Variants in LAMA2 observed in about 807,000 individuals in gnomAD.
LAMA2 encodes the protein laminin subunit alpha 2, also known as laminin subunit alpha-2.
A neutral mutation model predicts 364.8 loss-of-function variants in LAMA2; 269 were observed. The observed-to-expected ratio is 0.74, with a 90% CI of 0.67 to 0.82. LAMA2 has a LOEUF of 0.82. Ranked by LOEUF, LAMA2 falls within the 40% of genes least tolerant of loss-of-function variation. LAMA2 has a pLI of 0.00. For missense variants in LAMA2, 3,807 were observed against 3,873.2 expected, an observed-to-expected ratio of 0.98 and a Z score of 0.45; for synonymous variants, 1,379 against 1,370.6, an observed-to-expected ratio of 1.01 and a Z score of -0.14.
intron 1 of LAMA2, among the ~76,000 whole-genome samples, chr6:129,015,948 G>T (rs1785044594): frequency 6.6e-6 from 1 of 151,708 alleles, no homozygotes; most frequent in Non-Finnish European, 1.5e-5. Context: ...ACTTCAATCA[G>T]CAGGAGGTTC....
At chr6:129,181,918 T>G (rs892949833) in intron 10 of LAMA2, among the ~76,000 whole-genome samples, 7 of 151,616 alleles carry the variant, frequency 4.6e-5, no homozygotes, top group African/African-American at 1.7e-4. Flanking sequence ...ATATTAAAAC[T>G]GGGGGCAAAT....
intron 3 of LAMA2, among the ~76,000 whole-genome samples, chr6:129,093,644 C>T (rs1421198613): frequency 6.6e-6 from 1 of 152,162 alleles, no homozygotes; most frequent in South Asian, 2.1e-4. Context: ...GTTCTTAATA[C>T]TCTTCTTATT....
intron 1 of LAMA2, among the ~76,000 whole-genome samples, chr6:129,013,625 C>G (rs1784903146): frequency 6.6e-6 from 1 of 151,960 alleles, no homozygotes; most frequent in South Asian, 2.1e-4. Context: ...TGGACAGGGA[C>G]CAGAACATGT....
At chr6:129,397,556 T>C (rs983115750) in intron 37 of LAMA2, among the ~76,000 whole-genome samples, 7 of 152,134 alleles carry the variant, frequency 4.6e-5, no homozygotes, top group African/African-American at 1.7e-4. Flanking sequence ...TCTATACTTT[T>C]GTCAATATTT....
At chr6:129,342,608 A>T (rs1163186150) in intron 30 of LAMA2, 141 bp downstream of exon 30, 5 of 767,758 alleles carry the variant, frequency 6.5e-6, no homozygotes, top group Non-Finnish European at 1.0e-5. Context: ...ATATAGAAAC[A>T]TGACAAAAGT....
At chr6:129,144,299 A>T (rs1778305638) in intron 5 of LAMA2, among the ~76,000 whole-genome samples, 1 of 152,006 alleles carries the variant, frequency 6.6e-6, no homozygotes, top group African/African-American at 2.4e-5. Flanking sequence ...TGTAACATTT[A>T]TCAAACATTT....
chr6:129,282,438 C>T (rs1350120845), intron 18 of LAMA2, among the ~76,000 whole-genome samples: 2 of 152,120 alleles, frequency 1.3e-5, no homozygotes, highest in African/African-American at 4.8e-5. Context: ...GAAACATAAT[C>T]TGAGCCCATT....
At position 128,893,474 on chromosome 6, in the gene LAMA2, TTTTCAAGGACC is replaced by T. The variant is rs532764369; in HGVS notation, c.112+10118_112+10128del. On this transcript the variant is annotated intron_variant, in intron 1 of 64. Coordinates refer to ENST00000421865, the MANE Select transcript of LAMA2 (RefSeq NM_000426.4). ...TGTATTAATATACTTAGTTCTCCTG[TTTTCAAGGACC>T]CATGACACATAGCTTTCAAACATGG... Among the ~76,000 whole-genome samples the T allele has an allele frequency of 4.1e-3, 618 of 151,980 alleles. 6 individuals carry two copies. The highest frequency in any genetic ancestry group is 0.014 in the African/African-American group (575 of 41,516).
chr6:129,293,185 GC>G (rs1404905927), intron 20 of LAMA2: 1 of 590,598 alleles, frequency 1.7e-6, no homozygotes, highest in African/African-American at 2.0e-5. Context: ...AATTGCAAAT[GC>G]AAAGATTAGA....
intron 3 of LAMA2, among the ~76,000 whole-genome samples, chr6:129,082,402 AT>A (rs1398226373): frequency 1.3e-5 from 2 of 152,074 alleles, no homozygotes; most frequent in Non-Finnish European, 2.9e-5. Flanking sequence ...CTCAAATGAA[AT>A]TTTTTGGTGA....
intron 15 of LAMA2, among the ~76,000 whole-genome samples, chr6:129,264,504 T>G (rs550254612): frequency 6.6e-6 from 1 of 152,210 alleles, no homozygotes; most frequent in Admixed American, 6.6e-5. Flanking sequence ...AGCATGTCTG[T>G]CTGGTCTAGA....
intron 5 of LAMA2, among the ~76,000 whole-genome samples, chr6:129,145,871 A>G (rs1234439027): frequency 1.3e-5 from 2 of 151,976 alleles, no homozygotes; most frequent in Admixed American, 6.6e-5. Context: ...TACAAATACT[A>G]CTGTATCAGC....
chr6:129,090,896 T>A (rs1177683260), intron 3 of LAMA2, among the ~76,000 whole-genome samples: 2 of 152,206 alleles, frequency 1.3e-5, no homozygotes, highest in Non-Finnish European at 2.9e-5. Context: ...CACAGTAAAC[T>A]ATACACAGTG....
At chr6:129,379,954 A>T (rs9388701) in intron 34 of LAMA2, among the ~76,000 whole-genome samples, 126,296 of 152,186 alleles carry the variant, frequency 0.83, 52,527 homozygotes, top group Admixed American at 0.88. Context: ...CCCAACATCT[A>T]TGACCCACGA....
rs746608333 is a variant in LAMA2 at position 129,403,939 on chromosome 6, G to C, written c.5845G>C (p.Ala1949Pro). 4 of 1,613,888 alleles carry C rather than the reference G, an allele frequency of 2.5e-6. No individual in the cohort carries two copies. Among genetic ancestry groups the C allele is most frequent in the Non-Finnish European group, 3.4e-6 (4 of 1,179,846 alleles). ...AGTTGCCAAAGAAGCCAAAGATCTT[G>C]CACATGAAGCTACAAAACTGGTAAG... ...EKVAKEAKDL[A>P]HEATKLATGP... is the part of the protein sequence containing the mutation. Residue 1949 changes from alanine (A) to proline (P), a missense_variant, in exon 40 of 65, where the codon GCA (alanine) becomes CCA (proline). By Grantham distance (27) the Ala-to-Pro change is conservative. Coordinates refer to ENST00000421865, the MANE Select transcript of LAMA2 (RefSeq NM_000426.4).
chr6:128,965,803 C>A (rs1781800772), intron 1 of LAMA2, among the ~76,000 whole-genome samples: 1 of 151,826 alleles, frequency 6.6e-6, no homozygotes, highest in Admixed American at 6.6e-5. Flanking sequence ...ATATTATTTC[C>A]TTTCCAGACA....
intron 21 of LAMA2, among the ~76,000 whole-genome samples, chr6:129,300,124 CA>C (rs1405257271): frequency 4.6e-5 from 7 of 151,940 alleles, no homozygotes; most frequent in African/African-American, 1.7e-4. Flanking sequence ...ATGATAGCAA[CA>C]AAAATGAAAA....
At chr6:129,202,297 G>A (rs1378518642) in intron 12 of LAMA2, among the ~76,000 whole-genome samples, 3 of 151,888 alleles carry the variant, frequency 2.0e-5, no homozygotes, top group Admixed American at 1.3e-4. Flanking sequence ...TGGTCCAAAT[G>A]TTGGTGTCCC....
chr6:128,899,925 C>A (rs910703724), intron 1 of LAMA2, among the ~76,000 whole-genome samples: 3 of 152,050 alleles, frequency 2.0e-5, no homozygotes, highest in South Asian at 2.1e-4. Flanking sequence ...TTAAAATGCC[C>A]ATTTAAGATG....
Sources: gnomAD v4.1 joint callset for allele counts (sites outside exome capture counted in the v4.1 genomes callset) on GRCh38, gnomAD v4.1.1 for gene constraint, MANE v1.5 for transcripts, NCBI Gene and HGNC (gene_info 2026-07-23, HGNC 2026-07-21) for gene names.